Variants in SMG5 observed in about 807,000 individuals in gnomAD.
The protein encoded by SMG5 is nonsense-mediated mRNA decay factor SMG5.
In SMG5, 53 loss-of-function variants were observed where a neutral mutation model predicts 122.9. That is an observed-to-expected ratio of 0.43 (90% CI 0.35 to 0.54). The LOEUF is 0.54. Ranked by LOEUF, SMG5 falls within the 20% of genes least tolerant of loss-of-function variation. The probability of loss-of-function intolerance (pLI) is 0.01; values close to 1 mark genes in which losing one functional copy is unlikely to be tolerated. For synonymous variants in SMG5, 477 were observed against 490.2 expected, an observed-to-expected ratio of 0.97 and a Z score of 0.35; for missense variants, 1,153 against 1,285.6, an observed-to-expected ratio of 0.90 and a Z score of 1.58.
At chr1:156,261,922 C>T (rs1054964039) in intron 13 of SMG5, among the ~76,000 whole-genome samples, 8 of 146,442 alleles carry the variant, frequency 5.5e-5, no homozygotes, top group Non-Finnish European at 1.0e-4. Flanking sequence ...AATAGCCAGG[C>T]GTGGTGGCAT....
At chr1:156,282,088 G>A (rs761202464) in intron 1 of SMG5, among the ~76,000 whole-genome samples, 3 of 152,120 alleles carry the variant, frequency 2.0e-5, no homozygotes, top group Non-Finnish European at 2.9e-5. Flanking sequence ...AATTAGAGCC[G>A]TATGGGACTT....
chr1:156,277,542 C>A lies in SMG5; in HGVS notation c.298-301G>T, dbSNP rs547870725. Among the ~76,000 whole-genome samples the A allele has an allele frequency of 2.4e-4, 28 of 117,216 alleles. No homozygotes were observed. In the South Asian group the frequency reaches 6.4e-3, roughly 27 times the overall value. The allele number at this position is 117,216 out of a possible 152,430, so 76.9% of individuals were successfully genotyped here. ...TTTTTTTTTTTTTGAGATGGAGTTTCATTCTTGTTGCCCTGGCTGGAGTAC... is the reference window on the plus strand; with the variant it reads ...TTTTTTTTTTTTTGAGATGGAGTTTAATTCTTGTTGCCCTGGCTGGAGTAC... On this transcript the variant is annotated intron_variant, in intron 3 of 21. Transcript: ENST00000361813.
Position 156,282,647 on chromosome 1 carries a change from C to G in SMG5, c.34G>C (p.Glu12Gln). The change falls in exon 1 of 22, where the codon GAG becomes CAG. Residue 12 changes from glutamate to glutamine, a missense_variant. Glu to Gln is a conservative substitution (Grantham distance 29). Around this residue, in one of 5 missense-constraint regions of SMG5, gnomAD observed 213 missense variants for 197.5 expected, o/e 1.08. Coordinates refer to ENST00000361813, the MANE Select transcript of SMG5 (RefSeq NM_015327.3). ...SQGPPTGESS[E>Q]PEAKVLHTKR... ...GTGTGGAGGACTTTTGCTTCGGGCT[C>G]GCTGCTCTCCCCTGTGGGGGGGCCT... The G allele has an allele frequency of 6.2e-7, 1 of 1,608,150 alleles. No individual in the cohort carries two copies. The highest frequency in any genetic ancestry group is 8.5e-7 in the Non-Finnish European group (1 of 1,179,670).
At chr1:156,284,150 AC>A (rs1405256173), upstream of SMG5, 4 of 152,134 alleles carry the variant, frequency 2.6e-5, no homozygotes, top group Non-Finnish European at 5.9e-5. Flanking sequence ...ATGTGAACTT[AC>A]CCCTTTGCCC....
intron 12 of SMG5, among the ~76,000 whole-genome samples, chr1:156,264,468 A>C (rs1409263326): frequency 6.6e-6 from 1 of 152,086 alleles, no homozygotes; most frequent in Non-Finnish European, 1.5e-5. Context: ...ATAAGTAAGA[A>C]ATATTCTGTC....
chr1:156,263,667 G>A (rs1251778904), intron 12 of SMG5, 97 bp from the exon 13 acceptor site: 21 of 1,343,442 alleles, frequency 1.6e-5, no homozygotes, highest in Non-Finnish European at 1.9e-5. Context: ...CTTCCACCTG[G>A]CCTGGGCCCT....
intron 7 of SMG5, 106 bp downstream of exon 7, chr1:156,272,214 C>T: frequency 3.0e-6 from 3 of 1,007,468 alleles, no homozygotes; most frequent in Non-Finnish European, 3.0e-6. Context: ...TTAGCATTCC[C>T]CTATCTCAGC....
Position 156,267,690 on chromosome 1 carries a change from C to A in SMG5, c.909-12G>T, listed in dbSNP as rs373118862. 108 of 1,597,636 alleles carry A rather than the reference C, an allele frequency of 6.8e-5. 1 individual carries two copies. In the African/African-American group the frequency reaches 1.3e-3, roughly 19 times the overall value. On this transcript the variant is annotated splice_polypyrimidine_tract_variant and intron_variant, in intron 9 of 21. Transcript: ENST00000361813. ...CTGAGTCCACGGAGCTACAGAGGGG[C>A]AGGAGTAACAGGGGAGGTCAGTGGT...
At chr1:156,278,213 G>C (rs890930911) in intron 2 of SMG5, among the ~76,000 whole-genome samples, 165 bp from the exon 3 acceptor site, 1 of 152,112 alleles carries the variant, frequency 6.6e-6, no homozygotes, top group Non-Finnish European at 1.5e-5. Context: ...GCCTAGGAAG[G>C]CAGTGGGAGC....
intron 2 of SMG5, 37 bp from the exon 3 acceptor site, chr1:156,278,085 T>TC: frequency 6.2e-7 from 1 of 1,610,752 alleles, no homozygotes; most frequent in Non-Finnish European, 8.5e-7. Flanking sequence ...AGACAGCCCA[T>TC]CCCTTGGAGC....
Position 156,263,557 on chromosome 1 carries a change from GCCCT to G in SMG5, c.1865_1868del (p.Glu622AlafsTer27). 6.2e-7 allele frequency: 1 copy of G among 1,613,704 alleles called. No individual in the cohort carries two copies. Among genetic ancestry groups the G allele is most frequent in the Non-Finnish European group, 8.5e-7 (1 of 1,179,730 alleles). The stretch of plus-strand genomic sequence containing the variant: ...TGGACTCACTCCCCTCCGACTCAGA[GCCCT>G]CCTCAGAGGCTGGGGGGTGGGTGAA... On this transcript the variant is annotated frameshift_variant, in exon 13 of 22. Coordinates refer to ENST00000361813, the MANE Select transcript of SMG5 (RefSeq NM_015327.3). LOFTEE classifies it high-confidence loss of function.
chr1:156,251,847 TCTC>T (rs896567859), intron 19 of SMG5, among the ~76,000 whole-genome samples: 1 of 152,018 alleles, frequency 6.6e-6, no homozygotes, highest in Non-Finnish European at 1.5e-5. Context: ...AGGGAAGCTT[TCTC>T]CTTATTCCCT....
At chr1:156,281,741 C>T (rs181454055) in intron 1 of SMG5, among the ~76,000 whole-genome samples, 159 of 152,350 alleles carry the variant, frequency 1.0e-3, no homozygotes, top group Non-Finnish European at 1.8e-3. Context: ...TCAGTTTCCA[C>T]GCTTCATCCT....
At position 156,252,837 on chromosome 1, in the gene SMG5, G is replaced by T. The variant is rs1348164731; in HGVS notation, c.2662+82C>A. The T allele has an allele frequency of 1.9e-5, 27 of 1,397,368 alleles. No individual in the cohort carries two copies. The South Asian group carries it at 3.5e-4, about 18-fold the overall frequency. The allele number at this position is 1,397,368 out of a possible 1,614,324, so 86.6% of individuals were successfully genotyped here. A position where few individuals can be genotyped will look rare whatever the true frequency, so the allele number is the denominator to read the frequency against. ...GACCAAGGTTACTGCATATAAACTG[G>T]GCCCCAAATAAGGTCTCTTAATCCC... On this transcript the variant is annotated intron_variant, in intron 18 of 21. Coordinates refer to ENST00000361813, the MANE Select transcript of SMG5 (RefSeq NM_015327.3).
At chr1:156,263,181 C>T (rs1030646427) in intron 13 of SMG5, among the ~76,000 whole-genome samples, 1 of 152,220 alleles carries the variant, frequency 6.6e-6, no homozygotes, top group African/African-American at 2.4e-5. Context: ...ATAAGCAGCT[C>T]GCTAATTGTT....
intron 5 of SMG5, 140 bp from the exon 6 acceptor site, chr1:156,273,590 T>C: frequency 2.8e-6 from 2 of 722,152 alleles, no homozygotes; most frequent in Middle Eastern, 2.6e-4. Context: ...GTTGCTGGGG[T>C]CTCTGGCACA....
At chr1:156,279,875 G>A (rs1357678715) in intron 1 of SMG5, among the ~76,000 whole-genome samples, 1 of 152,138 alleles carries the variant, frequency 6.6e-6, no homozygotes, top group Non-Finnish European at 1.5e-5. Context: ...CATGAAACCA[G>A]ACCGCCTGGA....
upstream of SMG5, chr1:156,285,668 C>T (rs147136115): frequency 2.5e-4 from 404 of 1,613,892 alleles, 1 homozygote; most frequent in African/African-American, 4.5e-3. Context: ...CCTTATCGTG[C>T]GCTGTGAGGC....
At chr1:156,289,201 G>A in the SMG5 span, among the ~76,000 whole-genome samples, 1 of 152,234 alleles carries the variant, frequency 6.6e-6, no homozygotes, top group Non-Finnish European at 1.5e-5. Context: ...GGTGCCAGGC[G>A]TGGTGGCTCA....
Sources: allele counts gnomAD v4.1 joint callset (sites outside exome capture counted in the v4.1 genomes callset), GRCh38; gene constraint gnomAD v4.1.1; regional missense constraint gnomAD v4.1.1; transcripts MANE v1.5; gene names NCBI Gene and HGNC (gene_info 2026-07-23, HGNC 2026-07-21).